Variants in HIBCH observed in about 807,000 individuals in gnomAD.
HIBCH encodes 3-hydroxyisobutyryl-CoA hydrolase.
A neutral mutation model predicts 58.2 loss-of-function variants in HIBCH; 50 were observed. That is an observed-to-expected ratio of 0.86 (90% confidence interval 0.68 to 1.09). HIBCH has a LOEUF of 1.09. HIBCH is among the 50% of genes least tolerant of loss of function. The pLI is 0.00. For missense variants in HIBCH, 450 were observed against 449.7 expected (o/e 1.00, Z -0.01); for synonymous variants, 151 against 146.9 (o/e 1.03, Z -0.20).
At chr2:190,226,719 C>T (rs1171717538) in intron 11 of HIBCH, among the ~76,000 whole-genome samples, 2 of 151,210 alleles carry the variant, frequency 1.3e-5, no homozygotes, top group African/African-American at 4.8e-5. Context: ...TGATAAGCAA[C>T]TTCAGCAAAG....
chr2:190,265,122 C>CA (rs1167140474), intron 6 of HIBCH, among the ~76,000 whole-genome samples: 1,746 of 56,172 alleles, frequency 0.031, 221 homozygotes, highest in African/African-American at 0.048. Context: ...GACTCCGTCT[C>CA]AAAAAAAAAA....
At position 190,246,236 on chromosome 2, in the gene HIBCH, A is replaced by C. The variant is rs199941414; in HGVS notation, c.751-24T>G. ...GACTGTTTGAAAAGAAAAATCTTTT[A>C]ATAAATTTGAACACAATTTTTTAAT... On this transcript the variant is annotated intron_variant, in intron 9 of 13. Coordinates refer to ENST00000359678, the MANE Select transcript of HIBCH (RefSeq NM_014362.4). 3.1e-4 allele frequency: 433 copies of C among 1,381,070 alleles called. No individual in the cohort carries two copies. Among genetic ancestry groups the C allele is most frequent in the Non-Finnish European group, 4.0e-4 (390 of 978,226 alleles). 85.6% of individuals were successfully genotyped at this position (1,381,070 alleles called of 1,614,324 possible). A position where few individuals can be genotyped will look rare whatever the true frequency, so the allele number is the denominator to read the frequency against.
rs1021429983 is a variant in HIBCH, at chr2:190,290,346, C to T, written c.385+59G>A. 3.4e-6 allele frequency: 4 copies of T among 1,159,760 alleles called. No individual in the cohort carries two copies. In the African/African-American group the frequency reaches 4.5e-5, roughly 13 times the overall value. 71.8% of individuals were successfully genotyped at this position (1,159,760 alleles called of 1,614,324 possible). On this transcript the variant is annotated intron_variant, in intron 5 of 13. Coordinates refer to ENST00000359678, the MANE Select transcript of HIBCH (RefSeq NM_014362.4). ...TATTGATTGCATTTTTAACAAAGTA[C>T]ATACTGTCCACCTCATTTCTTTATT... is the stretch of plus-strand genomic sequence containing the variant.
At chr2:190,200,244 G>C, downstream of HIBCH, 1 of 982,006 alleles carries the variant, frequency 1.0e-6, no homozygotes, top group Non-Finnish European at 1.6e-6. Context: ...ATAACTATCT[G>C]GATTTAAAAA....
chr2:190,271,278 CCTA>C (rs1687391967), intron 6 of HIBCH, among the ~76,000 whole-genome samples: 3 of 138,760 alleles, frequency 2.2e-5, no homozygotes, highest in African/African-American at 8.1e-5. Context: ...TTATCTCTAC[CCTA>C]CTTTTTTTTT....
At chr2:190,252,373 T>G in intron 7 of HIBCH, 66 bp from the exon 8 acceptor site, 2 of 1,374,606 alleles carry the variant, frequency 1.5e-6, no homozygotes, top group Non-Finnish European at 2.1e-6. Context: ...ATAACCTTTT[T>G]GCCGTAGATC....
intron 1 of HIBCH, among the ~76,000 whole-genome samples, chr2:190,312,920 G>A (rs995775738): frequency 2.0e-5 from 3 of 152,186 alleles, no homozygotes; most frequent in Non-Finnish European, 4.4e-5. Context: ...CCAACAAGGC[G>A]AAACCCCGTT....
At chr2:190,245,020 C>T in intron 10 of HIBCH, 52 bp from the exon 11 acceptor site, 1 of 1,116,638 alleles carries the variant, frequency 9.0e-7, no homozygotes, top group Non-Finnish European at 1.4e-6. Context: ...TTTCCTGTTT[C>T]TAACATACGA....
At chr2:190,248,563 CAAG>C (rs1289116535) in intron 9 of HIBCH, among the ~76,000 whole-genome samples, 1 of 152,236 alleles carries the variant, frequency 6.6e-6, no homozygotes, top group African/African-American at 2.4e-5. Context: ...CTCAGTTGTA[CAAG>C]AAGACTTGTG....
intron 5 of HIBCH, among the ~76,000 whole-genome samples, chr2:190,289,947 G>A (rs189976853): frequency 8.5e-5 from 13 of 152,252 alleles, no homozygotes; most frequent in Non-Finnish European, 1.6e-4. Flanking sequence ...GTGCAATCTC[G>A]AATCACTGCA....
chr2:190,272,243 G>A (rs1480760974), intron 6 of HIBCH, among the ~76,000 whole-genome samples: 1 of 152,136 alleles, frequency 6.6e-6, no homozygotes, highest in African/African-American at 2.4e-5. Flanking sequence ...TTTGTTCACT[G>A]TTTTATCACC....
chr2:190,258,312 T>C (rs542756868), intron 7 of HIBCH, among the ~76,000 whole-genome samples: 1 of 152,302 alleles, frequency 6.6e-6, no homozygotes, highest in East Asian at 1.9e-4. Context: ...CAATTAAACC[T>C]CTTTTCTTCA....
chr2:190,213,994 G>A (rs933723774), intron 11 of HIBCH: 2 of 152,140 alleles, frequency 1.3e-5, no homozygotes, highest in Non-Finnish European at 2.9e-5. Flanking sequence ...GGGTTTGGAC[G>A]GGTGAATTGT....
At chr2:190,275,320 T>C (rs1687518683) in intron 6 of HIBCH, among the ~76,000 whole-genome samples, 1 of 152,238 alleles carries the variant, frequency 6.6e-6, no homozygotes, top group African/African-American at 2.4e-5. Context: ...GATTGTCCTC[T>C]GTTCTATATC....
At chr2:190,310,321 T>A (rs1035547981) in intron 2 of HIBCH, among the ~76,000 whole-genome samples, 1 of 152,254 alleles carries the variant, frequency 6.6e-6, no homozygotes, top group Non-Finnish European at 1.5e-5. Context: ...CTTGTGATCA[T>A]GTGAGTCAAT....
intron 1 of HIBCH, among the ~76,000 whole-genome samples, chr2:190,193,157 AT>A (rs758100220): frequency 1.2e-4 from 19 of 152,040 alleles, no homozygotes; most frequent in Non-Finnish European, 2.5e-4. Flanking sequence ...CTTTGCTGGG[AT>A]TTTAAAAATA....
At chr2:190,290,289 C>A (rs541962396) in intron 5 of HIBCH, 116 bp downstream of exon 5, 23 of 739,948 alleles carry the variant, frequency 3.1e-5, no homozygotes, top group Non-Finnish European at 5.3e-5. Context: ...TTATGCCTGG[C>A]ACATGGTATT....
chr2:190,318,495 C>T (rs539048681), intron 1 of HIBCH, among the ~76,000 whole-genome samples: 63 of 152,246 alleles, frequency 4.1e-4, no homozygotes, highest in African/African-American at 1.4e-3. Flanking sequence ...TTGGCCTCTG[C>T]TTTCTAGGAT....
At chr2:190,258,723 G>A (rs538966297) in intron 7 of HIBCH, among the ~76,000 whole-genome samples, 24 of 152,238 alleles carry the variant, frequency 1.6e-4, no homozygotes, top group African/African-American at 5.5e-4. Flanking sequence ...TTTCCCATAT[G>A]TTTTCTTCTA....
Sources: allele counts gnomAD v4.1 joint callset (sites outside exome capture counted in the v4.1 genomes callset), GRCh38; gene constraint gnomAD v4.1.1; transcripts MANE v1.5; gene names NCBI Gene and HGNC (gene_info 2026-07-23, HGNC 2026-07-21).